GRM1: variants seen among roughly 807,000 people sequenced by gnomAD.
The protein encoded by GRM1 is glutamate metabotropic receptor 1, also known as metabotropic glutamate receptor 1.
GRM1 carries 33 observed loss-of-function variants against 90.9 expected under a neutral mutation model. The ratio of observed to expected loss-of-function variants is 0.36; its 90% CI spans 0.28 to 0.49. The LOEUF (loss-of-function observed/expected upper bound fraction) is 0.49. Ranked by LOEUF, GRM1 falls within the 20% of genes least tolerant of loss-of-function variation. The pLI is 0.99. For synonymous variants in GRM1, 700 were observed against 613.2 expected, an observed-to-expected ratio of 1.14 and a Z score of -2.09; for missense variants, 1,190 against 1,534.3, an observed-to-expected ratio of 0.78 and a Z score of 3.75.
intron 2 of GRM1, among the ~76,000 whole-genome samples, chr6:146,219,277 A>T (rs1779975960): frequency 6.6e-6 from 1 of 152,194 alleles, no homozygotes; most frequent in Non-Finnish European, 1.5e-5. Flanking sequence ...AGAATATGTT[A>T]TCTTCCCAGC....
intron 2 of GRM1, among the ~76,000 whole-genome samples, chr6:146,263,694 A>G (rs1781776574): frequency 6.6e-6 from 1 of 152,060 alleles, no homozygotes. Flanking sequence ...TTGCATTTCA[A>G]TTACTACAAT....
At chr6:146,125,617 A>G (rs963189790) in intron 1 of GRM1, among the ~76,000 whole-genome samples, 5 of 151,806 alleles carry the variant, frequency 3.3e-5, no homozygotes, top group African/African-American at 7.3e-5. Context: ...TATGCTAAGT[A>G]TATTTGAGGC....
intron 1 of GRM1, among the ~76,000 whole-genome samples, chr6:146,067,344 C>T (rs1376990897): frequency 6.6e-6 from 1 of 152,098 alleles, no homozygotes; most frequent in African/African-American, 2.4e-5. Flanking sequence ...AGTGTATAAA[C>T]TAAATTTATG....
chr6:146,376,614 G>T (rs528523531), intron 5 of GRM1, among the ~76,000 whole-genome samples: 4 of 152,018 alleles, frequency 2.6e-5, no homozygotes, highest in African/African-American at 9.7e-5. Context: ...GTGTCTCCTG[G>T]CCTGTAAAGT....
At chr6:146,308,790 ATAGTTT>A (rs1411930410) in intron 3 of GRM1, among the ~76,000 whole-genome samples, 1 of 152,042 alleles carries the variant, frequency 6.6e-6, no homozygotes, top group Non-Finnish European at 1.5e-5. Context: ...CTTTCTCTAT[ATAGTTT>A]TAAATTATGT....
intron 3 of GRM1, among the ~76,000 whole-genome samples, chr6:146,319,562 A>G (rs1438145044): frequency 6.6e-6 from 1 of 152,088 alleles, no homozygotes; most frequent in Admixed American, 6.5e-5. Context: ...CTTGGGCAGT[A>G]TGGCCATTTT....
chr6:146,044,288 G>A (rs1791242486), intron 1 of GRM1, among the ~76,000 whole-genome samples: 2 of 151,964 alleles, frequency 1.3e-5, no homozygotes, highest in Non-Finnish European at 2.9e-5. Flanking sequence ...GGAAAGGCGA[G>A]TCTGTTTGTA....
At chr6:146,034,230 C>T (rs1479645828) in intron 1 of GRM1, among the ~76,000 whole-genome samples, 1 of 152,008 alleles carries the variant, frequency 6.6e-6, no homozygotes, top group Non-Finnish European at 1.5e-5. Context: ...GAAGTTTCCA[C>T]CAATCCTTCA....
At chr6:146,068,356 G>A (rs974977109) in intron 1 of GRM1, among the ~76,000 whole-genome samples, 6 of 152,052 alleles carry the variant, frequency 3.9e-5, no homozygotes, top group Non-Finnish European at 5.9e-5. Context: ...CTCATGATCC[G>A]CCCACCTCGG....
At chr6:146,261,437 C>T (rs972228990) in intron 2 of GRM1, among the ~76,000 whole-genome samples, 2 of 152,046 alleles carry the variant, frequency 1.3e-5, no homozygotes, top group African/African-American at 2.4e-5. Context: ...TGTGCCAGTT[C>T]AAACAGGATA....
intron 1 of GRM1, among the ~76,000 whole-genome samples, chr6:146,032,278 A>C (rs866473): frequency 0.4 from 61,218 of 151,930 alleles, 12,581 homozygotes; most frequent in Middle Eastern, 0.53. Context: ...AGCATCATAG[A>C]AATATGTGGG....
chr6:146,102,758 A>G (rs1185607147), intron 1 of GRM1, among the ~76,000 whole-genome samples: 2 of 152,232 alleles, frequency 1.3e-5, no homozygotes, highest in African/African-American at 2.4e-5. Context: ...ATTGCCCAAC[A>G]GAGTATCATA....
intron 7 of GRM1, among the ~76,000 whole-genome samples, chr6:146,415,066 T>C (rs549958885): frequency 6.6e-6 from 1 of 152,344 alleles, no homozygotes; most frequent in South Asian, 2.1e-4. Context: ...AACAAAGCCA[T>C]CCATAGACTG....
At chr6:146,262,225 T>A (rs1340870276) in intron 2 of GRM1, among the ~76,000 whole-genome samples, 1 of 152,060 alleles carries the variant, frequency 6.6e-6, no homozygotes, top group Non-Finnish European at 1.5e-5. Context: ...CAAGATGTTG[T>A]CCTCATGTGG....
At chr6:146,074,304 G>C (rs1400203433) in intron 1 of GRM1, among the ~76,000 whole-genome samples, 1 of 152,046 alleles carries the variant, frequency 6.6e-6, no homozygotes, top group Non-Finnish European at 1.5e-5. Flanking sequence ...GATTTTGCCT[G>C]GTTGTTTCCT....
chr6:146,203,311 G>T (rs1219650263), intron 2 of GRM1, among the ~76,000 whole-genome samples: 2 of 152,104 alleles, frequency 1.3e-5, no homozygotes, highest in Non-Finnish European at 2.9e-5. Context: ...TGATGAAGGG[G>T]TTACTGCCAT....
At position 146,252,921 on chromosome 6, in the gene GRM1, G is replaced by T. The variant is rs9386148; in HGVS notation, c.951-51690G>T. 2.3e-3 allele frequency among the ~76,000 whole-genome samples: 353 copies of T among 151,642 alleles called. 3 individuals are homozygous for T. The highest frequency in any genetic ancestry group is 8.3e-3 in the African/African-American group (345 of 41,330). On this transcript the variant is annotated intron_variant, in intron 2 of 7. Coordinates refer to ENST00000282753, the MANE Select transcript of GRM1 (RefSeq NM_001278064.2). ...CTAAAAATACAAAAATTAGCTGGGC[G>T]TGGTGGCGTGTGCTTGTAGTCCCAG... is the stretch of plus-strand genomic sequence containing the variant.
At chr6:146,330,084 C>T (rs1269406915) in intron 3 of GRM1, among the ~76,000 whole-genome samples, 1 of 152,098 alleles carries the variant, frequency 6.6e-6, no homozygotes, top group Admixed American at 6.6e-5. Flanking sequence ...AGTAAGAACC[C>T]AGTTGACCAA....
chr6:146,076,916 A>T (rs1431767460), intron 1 of GRM1, among the ~76,000 whole-genome samples: 1 of 152,080 alleles, frequency 6.6e-6, no homozygotes, highest in Non-Finnish European at 1.5e-5. Flanking sequence ...ACTATATCCA[A>T]CAGGCTGCTT....
Sources: allele counts gnomAD v4.1 joint callset (sites outside exome capture counted in the v4.1 genomes callset), GRCh38; gene constraint gnomAD v4.1.1; transcripts MANE v1.5; gene names NCBI Gene and HGNC (gene_info 2026-07-23, HGNC 2026-07-21).